The following FILIP1L variants were observed in gnomAD, a reference collection of about 807,000 sequenced individuals.
FILIP1L encodes the protein filamin A-interacting protein 1-like.
In FILIP1L, 55 loss-of-function variants were observed where a neutral mutation model predicts 96.6. The ratio of observed to expected loss-of-function variants is 0.57; its 90% CI spans 0.46 to 0.71. The LOEUF (loss-of-function observed/expected upper bound fraction) is 0.71. Ranked by LOEUF, FILIP1L falls within the 30% of genes least tolerant of loss-of-function variation. The pLI is 0.00. For synonymous variants in FILIP1L, 467 were observed against 473.9 expected (o/e 0.99, Z 0.19); for missense variants, 1,304 against 1,321.2 (o/e 0.99, Z 0.20).
intron 1 of FILIP1L, among the ~76,000 whole-genome samples, chr3:99,938,654 G>C (rs1006242559): frequency 3.9e-5 from 6 of 152,156 alleles, no homozygotes; most frequent in Non-Finnish European, 7.3e-5. Flanking sequence ...AGATTATGGG[G>C]TTCTCAGCAG....
chr3:99,877,664 A>T lies in FILIP1L; in HGVS notation c.606-26594T>A, dbSNP rs1373180346. On this transcript the variant is annotated intron_variant, in intron 4 of 5. Coordinates refer to ENST00000477258, the MANE Select transcript of FILIP1L (RefSeq NM_001387850.1). ...TTGAGTTTGTAGTTTTGTTGGTTTT[A>T]ACTCTTCTGCCCTATACTTGTGAAT... Among the ~76,000 whole-genome samples the T allele has an allele frequency of 2.6e-5, 4 of 152,194 alleles. No individual in the cohort carries two copies. The East Asian group carries it at 7.7e-4, about 29-fold the overall frequency.
At chr3:99,877,412 G>A (rs1314291780) in intron 4 of FILIP1L, among the ~76,000 whole-genome samples, 2 of 152,136 alleles carry the variant, frequency 1.3e-5, no homozygotes, top group African/African-American at 4.8e-5. Flanking sequence ...TGGAAATGGT[G>A]TGGAATAAAG....
chr3:99,925,308 T>G (rs1475612716), intron 3 of FILIP1L, among the ~76,000 whole-genome samples: 1 of 152,234 alleles, frequency 6.6e-6, no homozygotes, highest in Non-Finnish European at 1.5e-5. Context: ...TTACATCTTT[T>G]TTACAAAATG....
chr3:100,040,293 C>A (rs1325479969), intron 1 of FILIP1L: 2 of 152,000 alleles, frequency 1.3e-5, no homozygotes, highest in Non-Finnish European at 2.9e-5. Flanking sequence ...TCATCTAACT[C>A]CCTCTTTTAA....
intron 1 of FILIP1L, among the ~76,000 whole-genome samples, chr3:100,083,185 A>G (rs983793567): frequency 1.3e-5 from 2 of 152,234 alleles, no homozygotes; most frequent in African/African-American, 2.4e-5. Flanking sequence ...GCTTCAGGAT[A>G]TTCAACATAA....
At chr3:99,916,863 C>T (rs1706970547) in intron 4 of FILIP1L, among the ~76,000 whole-genome samples, 1 of 152,196 alleles carries the variant, frequency 6.6e-6, no homozygotes, top group African/African-American at 2.4e-5. Flanking sequence ...CTGGCCAAAG[C>T]TGTTTGGCTT....
At chr3:100,016,534 G>A (rs1260969903) in intron 1 of FILIP1L, among the ~76,000 whole-genome samples, 1 of 152,156 alleles carries the variant, frequency 6.6e-6, no homozygotes, top group Non-Finnish European at 1.5e-5. Context: ...AAGACTGGCA[G>A]ACTTCTGTGA....
At chr3:100,016,560 A>C (rs982316346) in intron 1 of FILIP1L, among the ~76,000 whole-genome samples, 15 of 152,112 alleles carry the variant, frequency 9.9e-5, no homozygotes, top group African/African-American at 3.4e-4. Context: ...CCTTGCTGAA[A>C]CTTCCTCCCT....
intron 1 of FILIP1L, among the ~76,000 whole-genome samples, chr3:100,070,034 G>A (rs1007348808): frequency 5.3e-5 from 8 of 151,946 alleles, no homozygotes; most frequent in Non-Finnish European, 5.9e-5. Context: ...AAACTCATGC[G>A]TTAAAAATTA....
At chr3:99,945,919 C>T (rs1419310186) in intron 1 of FILIP1L, among the ~76,000 whole-genome samples, 1 of 152,246 alleles carries the variant, frequency 6.6e-6, no homozygotes, top group East Asian at 1.9e-4. Context: ...GCCACACATG[C>T]TTTTGTGTCC....
At chr3:100,087,536 T>C (rs2066031431) in intron 1 of FILIP1L, among the ~76,000 whole-genome samples, 1 of 152,216 alleles carries the variant, frequency 6.6e-6, no homozygotes, top group Non-Finnish European at 1.5e-5. Context: ...GTATAGTCTT[T>C]AGTGAGGCAT....
At chr3:99,880,704 A>T (rs1705697291) in intron 4 of FILIP1L, among the ~76,000 whole-genome samples, 1 of 152,038 alleles carries the variant, frequency 6.6e-6, no homozygotes, top group South Asian at 2.1e-4. Context: ...TTTTTATTTT[A>T]AAATTAATAG....
intron 5 of FILIP1L, chr3:99,833,203 G>T: frequency 6.3e-7 from 1 of 1,597,926 alleles, no homozygotes; most frequent in Non-Finnish European, 8.6e-7. Flanking sequence ...ACTGGGATTT[G>T]GAATGCCTTA....
rs996553009 is a variant in FILIP1L, at chr3:100,087,359, T to C, written c.-11+26694A>G. Among the ~76,000 whole-genome samples, 6 of 152,212 alleles carry C rather than the reference T, an allele frequency of 3.9e-5. No individual in the cohort carries two copies. In the South Asian group the frequency reaches 1.0e-3, roughly 26 times the overall value. On this transcript the variant is annotated intron_variant, in intron 1 of 5. Coordinates refer to ENST00000477258, the MANE Select transcript of FILIP1L (RefSeq NM_001387850.1). ...AGTTGCTCAGCAACCTCACCAGCAA[T>C]TGGTATTGTCAGTGGGTTAGTTTGG... is the stretch of plus-strand genomic sequence containing the variant.
At chr3:100,064,562 G>A (rs2065629774) in intron 1 of FILIP1L, among the ~76,000 whole-genome samples, 1 of 152,144 alleles carries the variant, frequency 6.6e-6, no homozygotes, top group Non-Finnish European at 1.5e-5. Context: ...ATTATATGTA[G>A]AGAACTTTAA....
chr3:100,016,903 A>T (rs984082979), intron 1 of FILIP1L, among the ~76,000 whole-genome samples: 2 of 152,246 alleles, frequency 1.3e-5, no homozygotes, highest in Admixed American at 1.3e-4. Flanking sequence ...TGTCCAAAAT[A>T]TCAATCAGAA....
chr3:100,091,240 G>A (rs1406223848), intron 1 of FILIP1L, among the ~76,000 whole-genome samples: 1 of 149,632 alleles, frequency 6.7e-6, no homozygotes, highest in Non-Finnish European at 1.5e-5. Flanking sequence ...AGCCGAGATT[G>A]CGCCACTGCA....
In FILIP1L at chr3:99,849,312, T is replaced by C. The variant is rs752311581; in HGVS notation, c.2364A>G (p.Arg788=). 2.5e-6 allele frequency: 4 copies of C among 1,614,194 alleles called. No homozygotes were observed. Among genetic ancestry groups the C allele is most frequent in the Non-Finnish European group, 2.5e-6 (3 of 1,180,024 alleles). The change falls in exon 5 of 6, where the codon AGA becomes AGG. Residue 788 remains arginine (R), a synonymous_variant. Coordinates refer to ENST00000477258, the MANE Select transcript of FILIP1L (RefSeq NM_001387850.1). ...SKSLRPSLNG[R]RISDPQVFSK... is the part of the protein sequence containing the mutation. ...AAAATACTTGAGGATCGGAAATTCTTCTTCCATTGAGACTAGGCCTGAGGC... is the reference window on the plus strand; with the variant it reads ...AAAATACTTGAGGATCGGAAATTCTCCTTCCATTGAGACTAGGCCTGAGGC...
chr3:99,858,988 T>C (rs1944108523), intron 4 of FILIP1L, among the ~76,000 whole-genome samples: 1 of 152,264 alleles, frequency 6.6e-6, no homozygotes, highest in African/African-American at 2.4e-5. Context: ...AGCCAGTCAC[T>C]TGCTAACCGT....
Sources: allele counts gnomAD v4.1 joint callset (sites outside exome capture counted in the v4.1 genomes callset), GRCh38; gene constraint gnomAD v4.1.1; transcripts MANE v1.5; gene names NCBI Gene and HGNC (gene_info 2026-07-23, HGNC 2026-07-21).